Variants in RORA observed in about 807,000 individuals in gnomAD.
RORA encodes the protein RAR related orphan receptor A, also known as nuclear receptor ROR-alpha.
A neutral mutation model predicts 69.5 loss-of-function variants in RORA; 7 were observed. The ratio of observed to expected loss-of-function variants is 0.10; its 90% confidence interval spans 0.06 to 0.19. The LOEUF is 0.19. Among genes scored for constraint, RORA ranks in the 10% least tolerant of loss-of-function variants. The probability of loss-of-function intolerance (pLI) is 1.00; values close to 1 mark genes in which losing one functional copy is unlikely to be tolerated. For missense variants in RORA, 457 were observed against 663.0 expected (o/e 0.69, Z 3.41); for synonymous variants, 261 against 240.8 (o/e 1.08, Z -0.78).
chr15:60,827,599 C>G (rs1275739983), intron 1 of RORA, among the ~76,000 whole-genome samples: 1 of 152,192 alleles, frequency 6.6e-6, no homozygotes, highest in African/African-American at 2.4e-5. Context: ...TTCAGACAAC[C>G]AGCTTGGAAG....
At chr15:60,760,077 T>C (rs1448930489) in intron 1 of RORA, among the ~76,000 whole-genome samples, 2 of 152,168 alleles carry the variant, frequency 1.3e-5, no homozygotes, top group Non-Finnish European at 2.9e-5. Context: ...AAAAGTTCAA[T>C]TTGTATGTGT....
intron 1 of RORA, among the ~76,000 whole-genome samples, chr15:60,725,588 T>G (rs2071346709): frequency 6.6e-6 from 1 of 152,208 alleles, no homozygotes; most frequent in Non-Finnish European, 1.5e-5. Flanking sequence ...ATTATAATCT[T>G]AGTTCTTTTA....
chr15:60,874,518 C>T (rs1003020339), intron 1 of RORA, among the ~76,000 whole-genome samples: 1 of 152,134 alleles, frequency 6.6e-6, no homozygotes, highest in African/African-American at 2.4e-5. Context: ...AAAGCAGCCA[C>T]AGACAATACA....
At chr15:60,733,469 C>G (rs1332230657) in intron 1 of RORA, among the ~76,000 whole-genome samples, 1 of 152,044 alleles carries the variant, frequency 6.6e-6, no homozygotes, top group East Asian at 1.9e-4. Flanking sequence ...TGTGAGATAC[C>G]AAGGAAATAA....
At chr15:60,793,870 T>G (rs1025256064) in intron 1 of RORA, among the ~76,000 whole-genome samples, 1 of 152,176 alleles carries the variant, frequency 6.6e-6, no homozygotes, top group African/African-American at 2.4e-5. Flanking sequence ...TCTGTGACAT[T>G]TGAGCCGTGC....
intron 1 of RORA, among the ~76,000 whole-genome samples, chr15:60,773,176 T>C (rs773207703): frequency 2.6e-5 from 4 of 152,232 alleles, no homozygotes; most frequent in Admixed American, 1.3e-4. Flanking sequence ...GACAAGTCTA[T>C]GAAAACTGGA....
chr15:60,939,693 T>C (rs1169902725), intron 1 of RORA, among the ~76,000 whole-genome samples: 1 of 152,342 alleles, frequency 6.6e-6, no homozygotes, highest in East Asian at 1.9e-4. Context: ...ACAGCACATT[T>C]TTCAGGAGAG....
intron 3 of RORA, among the ~76,000 whole-genome samples, chr15:60,526,351 C>A (rs1350467280): frequency 6.6e-6 from 1 of 152,214 alleles, no homozygotes; most frequent in African/African-American, 2.4e-5. Context: ...TGGTTATTCC[C>A]AAGCACGCAC....
intron 2 of RORA, among the ~76,000 whole-genome samples, chr15:60,671,067 G>GATGTATATATATATATATAT (rs2070457670): frequency 8.2e-6 from 1 of 122,310 alleles, no homozygotes; most frequent in African/African-American, 4.1e-5. Flanking sequence ...ATATCCCATT[G>GATGTATATATATATATATAT]ATATATATAT....
chr15:61,104,309 C>G (rs768078700), intron 1 of RORA, among the ~76,000 whole-genome samples: 4 of 152,314 alleles, frequency 2.6e-5, no homozygotes, highest in Non-Finnish European at 5.9e-5. Flanking sequence ...GCCCCTCAGC[C>G]GGTAGGCTCT....
At chr15:60,968,834 TTTGGCAAATG>T (rs530255064) in intron 1 of RORA, among the ~76,000 whole-genome samples, 33 of 152,302 alleles carry the variant, frequency 2.2e-4, no homozygotes, top group Admixed American at 1.6e-3. Context: ...CCACTCAAGT[TTTGGCAAATG>T]TACCCATCAT....
In RORA at chr15:60,554,139, G is replaced by T. The variant is rs538437670; in HGVS notation, c.197-22288C>A. ...TTAATCCAGTCACTTCTCTTTCTCT[G>T]TGAAGTTATTTCCCATTGAAGTACT... On this transcript the variant is annotated intron_variant, in intron 2 of 10. Transcript: ENST00000335670. 3.5e-4 allele frequency among the ~76,000 whole-genome samples: 54 copies of T among 152,178 alleles called. No homozygotes were observed. In the South Asian group the frequency reaches 0.011, roughly 30 times the overall value.
chr15:60,666,373 A>C (rs1291298017), intron 2 of RORA, among the ~76,000 whole-genome samples: 1 of 137,950 alleles, frequency 7.2e-6, no homozygotes, highest in African/African-American at 2.8e-5. Flanking sequence ...TTTTGTAGAT[A>C]CCTGGTCTCC....
intron 1 of RORA, among the ~76,000 whole-genome samples, chr15:60,819,718 T>C (rs2072862587): frequency 6.8e-6 from 1 of 147,978 alleles, no homozygotes; most frequent in Non-Finnish European, 1.5e-5. Context: ...GCTTTGGGAA[T>C]ATCACTCCTG....
intron 1 of RORA, among the ~76,000 whole-genome samples, chr15:61,218,175 T>TTGTGTGTGTGTGTGTGTG (rs72135304): frequency 2.7e-5 from 4 of 148,296 alleles, no homozygotes; most frequent in African/African-American, 9.9e-5. Flanking sequence ...CATGAAATGT[T>TTGTGTGTGTGTGTGTGTG]TGTGTGTGTG....
At chr15:60,638,484 A>G (rs977452619) in intron 2 of RORA, among the ~76,000 whole-genome samples, 1 of 151,114 alleles carries the variant, frequency 6.6e-6, no homozygotes, top group African/African-American at 2.4e-5. Context: ...CATTAGTCCC[A>G]AGAAGTGCAA....
At chr15:61,082,805 A>G (rs989810206) in intron 1 of RORA, among the ~76,000 whole-genome samples, 1 of 152,178 alleles carries the variant, frequency 6.6e-6, no homozygotes, top group Non-Finnish European at 1.5e-5. Flanking sequence ...TCTCTAGGAC[A>G]TTCTAGGATT....
rs961052768 is a variant in RORA at position 60,494,618 on chromosome 15, A to C, written c.*2837T>G. 1 of 152,180 alleles carries C rather than the reference A, an allele frequency of 6.6e-6. No homozygotes were observed. The highest frequency in any genetic ancestry group is 1.5e-5 in the Non-Finnish European group (1 of 68,030). The allele number at this position is 152,180 out of a possible 1,614,324, so 9.4% of individuals were successfully genotyped here. On this transcript the variant is annotated 3_prime_UTR_variant, in exon 11 of 11. Transcript: ENST00000335670. ...ATTTATTGTTTAACATCAGATCCCA[A>C]CTTAGATCCAAATAGTAGTCAGTTG...
At chr15:60,544,409 C>T (rs925461548) in intron 2 of RORA, among the ~76,000 whole-genome samples, 3 of 105,650 alleles carry the variant, frequency 2.8e-5, no homozygotes, top group African/African-American at 7.6e-5. Flanking sequence ...CTTCGAGATC[C>T]AGAATAAAAG....
Sources: gnomAD v4.1 joint callset for allele counts (sites outside exome capture counted in the v4.1 genomes callset) on GRCh38, gnomAD v4.1.1 for gene constraint, MANE v1.5 for transcripts, NCBI Gene and HGNC (gene_info 2026-07-23, HGNC 2026-07-21) for gene names.